Variants in SASH1 observed in about 807,000 individuals in gnomAD.
The protein encoded by SASH1 is SAM and SH3 domain-containing protein 1.
In SASH1, 44 loss-of-function variants were observed where a neutral mutation model predicts 125.2. That is an observed-to-expected ratio of 0.35 (90% CI 0.28 to 0.45). The LOEUF (loss-of-function observed/expected upper bound fraction) is 0.45, where lower values mean the gene tolerates loss of function less well. Ranked by LOEUF, SASH1 falls within the 20% of genes least tolerant of loss-of-function variation. SASH1 has a pLI of 1.00. For synonymous variants in SASH1, 639 were observed against 649.1 expected, an observed-to-expected ratio of 0.98 and a Z score of 0.24; for missense variants, 1,426 against 1,614.5, an observed-to-expected ratio of 0.88 and a Z score of 2.00.
intron 2 of SASH1, among the ~76,000 whole-genome samples, chr6:148,411,146 C>CAAG (rs1464877183): frequency 1.1e-5 from 1 of 93,810 alleles, no homozygotes; most frequent in Admixed American, 1.6e-4. Context: ...GTGCCTACAA[C>CAAG]AAGAGCGAAA....
At chr6:148,437,880 G>A (rs889975237) in intron 2 of SASH1, among the ~76,000 whole-genome samples, 7 of 152,142 alleles carry the variant, frequency 4.6e-5, no homozygotes, top group Non-Finnish European at 7.4e-5. Context: ...GGGCAGGTAC[G>A]TTTTGCATAA....
At chr6:148,369,086 G>C (rs554752025) in intron 1 of SASH1, among the ~76,000 whole-genome samples, 1 of 152,304 alleles carries the variant, frequency 6.6e-6, no homozygotes, top group Non-Finnish European at 1.5e-5. Context: ...CATTGGCCTG[G>C]CAGAGCTGTA....
chr6:148,542,898 A>G (rs1157737813), intron 17 of SASH1, among the ~76,000 whole-genome samples: 1 of 151,898 alleles, frequency 6.6e-6, no homozygotes, highest in South Asian at 2.1e-4. Flanking sequence ...ACATGTAAGT[A>G]CTGATGAGAA....
rs1554245330 is a variant in SASH1 at position 148,368,770 on chromosome 6, G to GCGCGCA, written c.157-21363_157-21362insGCGCAC. Among the ~76,000 whole-genome samples the GCGCGCA allele has an allele frequency of 4.4e-4, 60 of 135,732 alleles. 1 individual carries two copies. Among genetic ancestry groups the GCGCGCA allele is most frequent in the Admixed American group, 2.9e-3 (38 of 13,288 alleles). 89.0% of individuals were successfully genotyped at this position (135,732 alleles called of 152,430 possible). A position where few individuals can be genotyped will look rare whatever the true frequency, so the allele number is the denominator to read the frequency against. The stretch of plus-strand genomic sequence containing the variant: ...CCCCCACATGCGCGCGCACGCGCGC[G>GCGCGCA]CACACACACACACACACACACACAC... On this transcript the variant is annotated intron_variant, in intron 1 of 19. Transcript: ENST00000367467.
chr6:148,305,892 T>C (rs1007758191), intron 1 of SASH1, among the ~76,000 whole-genome samples: 11 of 152,184 alleles, frequency 7.2e-5, no homozygotes, highest in Admixed American at 5.2e-4. Context: ...AGAACGTTTA[T>C]GTTTTAGAAT....
chr6:148,227,305 A>G, the SASH1 span, among the ~76,000 whole-genome samples: 2 of 152,160 alleles, frequency 1.3e-5, no homozygotes, highest in African/African-American at 4.8e-5. Flanking sequence ...TGCATCTCCA[A>G]CATCTAGAAC....
chr6:148,453,770 G>T (rs537122303), intron 4 of SASH1, among the ~76,000 whole-genome samples: 1 of 152,198 alleles, frequency 6.6e-6, no homozygotes. Context: ...AATGCAATGC[G>T]AAAACCATCA....
rs572859432 is a variant in SASH1 at position 148,478,381 on chromosome 6, G to A, written c.627+4159G>A. Among the ~76,000 whole-genome samples, 3 of 152,242 alleles carry A rather than the reference G, an allele frequency of 2.0e-5. No individual in the cohort carries two copies. The East Asian group carries it at 5.8e-4, about 29-fold the overall frequency. On this transcript the variant is annotated intron_variant, in intron 7 of 19. Transcript: ENST00000367467. ...GAGTCTCTGTCATTTACAACAACAT[G>A]GATAGAATTGGAGGACATTATATTA...
At chr6:148,504,481 C>T (rs1044401665) in intron 8 of SASH1, among the ~76,000 whole-genome samples, 1 of 152,164 alleles carries the variant, frequency 6.6e-6, no homozygotes, top group East Asian at 1.9e-4. Context: ...CAAATTTGCA[C>T]ATCTACTGTG....
chr6:148,302,337 A>AC, intron 1 of SASH1, among the ~76,000 whole-genome samples: 1 of 130,314 alleles, frequency 7.7e-6, no homozygotes, highest in Admixed American at 8.0e-5. Flanking sequence ...AAAAAAAAAA[A>AC]AAAACTAGTA....
the SASH1 span, among the ~76,000 whole-genome samples, chr6:148,235,724 A>C: frequency 6.6e-6 from 1 of 152,162 alleles, no homozygotes; most frequent in Non-Finnish European, 1.5e-5. Flanking sequence ...ATAATTGTAG[A>C]TGCAAAGAGT....
the SASH1 span, among the ~76,000 whole-genome samples, chr6:148,230,003 C>T: frequency 1.3e-5 from 2 of 152,122 alleles, no homozygotes; most frequent in East Asian, 1.9e-4. Context: ...TGAGCCACCA[C>T]GCCTGGCCAG....
chr6:148,526,350 C>T (rs576157897), intron 11 of SASH1, among the ~76,000 whole-genome samples: 2 of 152,172 alleles, frequency 1.3e-5, no homozygotes, highest in African/African-American at 4.8e-5. Context: ...GTGTGAGCCA[C>T]GCGCCCGGCC....
At chr6:148,357,918 G>A (rs554909893) in intron 1 of SASH1, among the ~76,000 whole-genome samples, 10 of 151,964 alleles carry the variant, frequency 6.6e-5, no homozygotes, top group Admixed American at 2.6e-4. Flanking sequence ...AAATTAGCCC[G>A]GTGTGGTGGC....
chr6:148,461,732 G>A (rs535742996), intron 4 of SASH1, among the ~76,000 whole-genome samples: 1 of 152,318 alleles, frequency 6.6e-6, no homozygotes, highest in South Asian at 2.1e-4. Context: ...CTAGTGGATA[G>A]TATGAATTGA....
chr6:148,362,198 A>G (rs1257617636), intron 1 of SASH1, among the ~76,000 whole-genome samples: 1 of 148,610 alleles, frequency 6.7e-6, no homozygotes, highest in East Asian at 2.0e-4. Flanking sequence ...AAGTGCTGGG[A>G]TTACAGGCGT....
At chr6:148,512,575 A>C (rs1168044763) in intron 8 of SASH1, 1 of 985,198 alleles carries the variant, frequency 1.0e-6, no homozygotes, top group Non-Finnish European at 1.2e-6. Context: ...AGTAGAAATG[A>C]AACTCAAACC....
chr6:148,340,053 G>C (rs1293566863), upstream of SASH1, among the ~76,000 whole-genome samples: 1 of 152,188 alleles, frequency 6.6e-6, no homozygotes, highest in Non-Finnish European at 1.5e-5. Context: ...TGGTGCTGGA[G>C]AGTCAGGCTT....
chr6:148,485,269 A>G (rs1472144813), intron 7 of SASH1, among the ~76,000 whole-genome samples: 1 of 152,174 alleles, frequency 6.6e-6, no homozygotes, highest in Non-Finnish European at 1.5e-5. Context: ...AGAATGTAGC[A>G]TTTCACAGGC....
Sources: allele counts gnomAD v4.1 joint callset (sites outside exome capture counted in the v4.1 genomes callset), GRCh38; gene constraint gnomAD v4.1.1; transcripts MANE v1.5; gene names NCBI Gene and HGNC (gene_info 2026-07-23, HGNC 2026-07-21).